KHDRBS1: variants seen among roughly 807,000 people sequenced by gnomAD.
KHDRBS1 encodes the protein KH RNA binding domain containing, signal transduction associated 1, also known as KH domain-containing, RNA-binding, signal transduction-associated protein 1.
A neutral mutation model predicts 48.4 loss-of-function variants in KHDRBS1; 7 were observed. The ratio of observed to expected loss-of-function variants is 0.14; its 90% CI spans 0.08 to 0.27. The LOEUF is 0.27. Among genes scored for constraint, KHDRBS1 ranks in the 10% least tolerant of loss-of-function variants. The pLI, the probability that KHDRBS1 is intolerant of heterozygous loss-of-function variation, is 1.00. For missense variants in KHDRBS1, 458 were observed against 601.2 expected (o/e 0.76, Z 2.49); for synonymous variants, 241 against 235.8 (o/e 1.02, Z -0.20).
intron 1 of KHDRBS1, among the ~76,000 whole-genome samples, chr1:32,017,908 A>G (rs1418954241): frequency 6.6e-6 from 1 of 151,668 alleles, no homozygotes; most frequent in Non-Finnish European, 1.5e-5. Context: ...CGCCCGGCCT[A>G]TTTTTCTACT....
At chr1:32,046,404 G>A (rs756986782), downstream of KHDRBS1, among the ~76,000 whole-genome samples, 12 of 152,076 alleles carry the variant, frequency 7.9e-5, no homozygotes, top group East Asian at 1.9e-4. Context: ...TAGTAGAGAC[G>A]AGGTTTCACC....
intron 1 of KHDRBS1, among the ~76,000 whole-genome samples, chr1:32,017,093 A>C (rs570703260): frequency 1.3e-5 from 2 of 152,076 alleles, no homozygotes; most frequent in Non-Finnish European, 2.9e-5. Context: ...CCCCGTCTCT[A>C]CCAAAAATAC....
rs574486117 is a variant in KHDRBS1 at position 32,013,921 on chromosome 1, C to G, written c.-75C>G. 24 of 1,314,046 alleles carry G rather than the reference C, an allele frequency of 1.8e-5. No individual in the cohort carries two copies. In the South Asian group the frequency reaches 4.1e-4, roughly 22 times the overall value. The allele number at this position is 1,314,046 out of a possible 1,614,324, so 81.4% of individuals were successfully genotyped here. ...GGTCGCTACCGCTCCCGCTCTGCCA[C>G]CCCCGCCAACCGCCGCTCGGGCCTC... On this transcript the variant is annotated 5_prime_UTR_variant, in exon 1 of 9. Transcript: ENST00000327300.
At chr1:32,026,411 G>C (rs1638971796) in intron 1 of KHDRBS1, among the ~76,000 whole-genome samples, 1 of 152,154 alleles carries the variant, frequency 6.6e-6, no homozygotes, top group Admixed American at 6.5e-5. Flanking sequence ...TTCTGCCTCA[G>C]CTTCCCCAAA....
At chr1:32,017,600 CTTTTTT>C (rs34505125) in intron 1 of KHDRBS1, among the ~76,000 whole-genome samples, 3,275 of 73,872 alleles carry the variant, frequency 0.044, 88 homozygotes, top group African/African-American at 0.13. Flanking sequence ...TCTTTTTCTA[CTTTTTT>C]TTTTTTTTTT....
intron 10 of KHDRBS1, among the ~76,000 whole-genome samples, chr1:32,059,570 G>A (rs942314479): frequency 9.9e-5 from 15 of 151,648 alleles, no homozygotes; most frequent in Non-Finnish European, 1.6e-4. Context: ...AGAAGAAGAA[G>A]GAGCATTGCT....
chr1:32,047,279 C>A (rs1465669309), downstream of KHDRBS1, among the ~76,000 whole-genome samples: 1 of 152,206 alleles, frequency 6.6e-6, no homozygotes, highest in African/African-American at 2.4e-5. Flanking sequence ...CTGCCTCAGC[C>A]TCCGGAGTAG....
At position 32,038,605 on chromosome 1, in the gene KHDRBS1, C is replaced by T. The variant is rs987635001; in HGVS notation, c.1161C>T (p.Tyr387=). Residue 387 remains tyrosine (Y), a synonymous_variant, in exon 7 of 9, where the codon TAC becomes TAT. Transcript: ENST00000327300. ...GTTACGAAGGCTACGAAGGCTATTACAGCCAGAGTCAAGGGTGAGTCAGGC... is the reference window on the plus strand; with the variant it reads ...GTTACGAAGGCTACGAAGGCTATTATAGCCAGAGTCAAGGGTGAGTCAGGC... ...EQSYEGYEGY[Y]SQSQGDSEYY... is the part of the protein sequence containing the mutation. The T allele has an allele frequency of 6.0e-5, 97 of 1,613,856 alleles. No individual in the cohort carries two copies. Among genetic ancestry groups the T allele is most frequent in the Non-Finnish European group, 8.2e-5 (97 of 1,179,912 alleles).
Position 32,042,740 on chromosome 1 carries a change from C to T in KHDRBS1, c.*116C>T, listed in dbSNP as rs1569813672. 1.5e-6 allele frequency: 1 copy of T among 655,244 alleles called. No individual in the cohort carries two copies. Among genetic ancestry groups the T allele is most frequent in the East Asian group, 2.8e-5 (1 of 36,266 alleles). 40.6% of individuals were successfully genotyped at this position (655,244 alleles called of 1,614,324 possible). On this transcript the variant is annotated 3_prime_UTR_variant, in exon 9 of 9. Transcript: ENST00000327300. ...GACAAGTAATTGTCTAAGTGTTTTT[C>T]TTCGTGGTCCCCTTCTTCTCCCCAC...
chr1:32,055,182 G>A (rs1374429844), intron 10 of KHDRBS1, among the ~76,000 whole-genome samples: 1 of 152,118 alleles, frequency 6.6e-6, no homozygotes, highest in African/African-American at 2.4e-5. Flanking sequence ...GGGTGCGGTG[G>A]GTCACGCCGG....
At chr1:32,030,524 T>A in intron 2 of KHDRBS1, 102 bp downstream of exon 2, 2 of 975,974 alleles carry the variant, frequency 2.0e-6, no homozygotes, top group Non-Finnish European at 2.8e-6. Flanking sequence ...TTTAGAAACT[T>A]AAGCCTGTGA....
chr1:32,054,282 A>T (rs1557901586), intron 10 of KHDRBS1, among the ~76,000 whole-genome samples: 1 of 152,160 alleles, frequency 6.6e-6, no homozygotes. Flanking sequence ...GGTAGGGAAA[A>T]TAAGGGAAGG....
At chr1:32,041,438 A>G (rs1304926974) in intron 8 of KHDRBS1, among the ~76,000 whole-genome samples, 4 of 152,216 alleles carry the variant, frequency 2.6e-5, no homozygotes, top group Non-Finnish European at 5.9e-5. Flanking sequence ...ATTTATTTTC[A>G]TAAGAGGTCA....
chr1:32,037,174 A>T, intron 5 of KHDRBS1, 131 bp downstream of exon 5: 1 of 985,306 alleles, frequency 1.0e-6, no homozygotes, highest in Admixed American at 2.7e-5. Flanking sequence ...ACAGAATTCT[A>T]CAACCATACT....
chr1:32,021,763 C>A (rs1034850033), intron 1 of KHDRBS1, among the ~76,000 whole-genome samples: 1 of 151,840 alleles, frequency 6.6e-6, no homozygotes, highest in Non-Finnish European at 1.5e-5. Flanking sequence ...ATTACAGGCG[C>A]ATGACACCAC....
Sources: allele counts gnomAD v4.1 joint callset (sites outside exome capture counted in the v4.1 genomes callset), GRCh38; gene constraint gnomAD v4.1.1; transcripts MANE v1.5; gene names NCBI Gene and HGNC (gene_info 2026-07-23, HGNC 2026-07-21).